PTPN11: variants seen among roughly 807,000 people sequenced by gnomAD.
PTPN11 encodes tyrosine-protein phosphatase non-receptor type 11.
Under a neutral mutation model 78.8 loss-of-function variants are expected in PTPN11, and 6 were observed. The observed-to-expected ratio is 0.08, with a 90% CI of 0.04 to 0.15. PTPN11 has a LOEUF of 0.15. Ranked by LOEUF, PTPN11 falls within the 10% of genes least tolerant of loss-of-function variation. The pLI is 1.00. For missense variants in PTPN11, 386 were observed against 744.8 expected, an observed-to-expected ratio of 0.52 and a Z score of 5.61; for synonymous variants, 221 against 263.5, an observed-to-expected ratio of 0.84 and a Z score of 1.56.
intron 9 of PTPN11, among the ~76,000 whole-genome samples, chr12:112,481,739 G>A (rs189796390): frequency 5.9e-5 from 9 of 152,196 alleles, no homozygotes; most frequent in East Asian, 1.9e-4. Context: ...TGATCTGCCC[G>A]CCTCGGCCAC....
In PTPN11 at chr12:112,482,274, C is replaced by T. The variant is rs1278994543; in HGVS notation, c.1224+69C>T. 6.5e-6 allele frequency: 10 copies of T among 1,548,540 alleles called. No homozygotes were observed. Among genetic ancestry groups the T allele is most frequent in the Non-Finnish European group, 8.9e-6 (10 of 1,123,912 alleles). On this transcript the variant is annotated intron_variant, in intron 10 of 15. Transcript: ENST00000351677. This position sits in a 1 kb window ranked among gnomAD's most constrained non-coding sequence, Gnocchi z 4.4. ...GGTGTGTAGGAATTCAGGGTCTTGC[C>T]GTTACTCATGTTTGCATACATGCAT...
intron 12 of PTPN11, among the ~76,000 whole-genome samples, chr12:112,488,716 C>A (rs1332672320): frequency 6.6e-6 from 1 of 152,192 alleles, no homozygotes. Flanking sequence ...AGCTGCAGAA[C>A]CCACTGCCAT....
chr12:112,494,313 A>AT (rs2038788577), intron 13 of PTPN11, among the ~76,000 whole-genome samples: 1 of 152,170 alleles, frequency 6.6e-6, no homozygotes, highest in South Asian at 2.1e-4. Context: ...TGCCATGACC[A>AT]TTGTCATGTT....
chr12:112,443,421 C>T lies in PTPN11; in HGVS notation c.15-2855C>T, dbSNP rs1029676130. ...TTGCCCAGGCTGGAGTATAATGATG[C>T]GATCTTGGCTCACTGCAACCTCCGT... On this transcript the variant is annotated intron_variant, in intron 1 of 15. Transcript: ENST00000351677. Among the ~76,000 whole-genome samples, 8 of 149,730 alleles carry T rather than the reference C, an allele frequency of 5.3e-5. No homozygotes were observed. In the East Asian group the frequency reaches 5.9e-4, roughly 11 times the overall value.
intron 6 of PTPN11, among the ~76,000 whole-genome samples, chr12:112,464,267 G>A (rs1299271582): frequency 1.3e-5 from 2 of 152,190 alleles, no homozygotes; most frequent in Admixed American, 1.3e-4. Context: ...ACTTTAAAAT[G>A]TGAAGTCTCT....
At chr12:112,493,299 T>G (rs1256093058) in intron 13 of PTPN11, among the ~76,000 whole-genome samples, 1 of 151,860 alleles carries the variant, frequency 6.6e-6, no homozygotes, top group African/African-American at 2.4e-5. Context: ...CCTCAAATGA[T>G]CCTCCCGTCT....
At chr12:112,488,338 T>C in intron 11 of PTPN11, 105 bp from the exon 12 acceptor site, 1 of 990,996 alleles carries the variant, frequency 1.0e-6, no homozygotes, top group Non-Finnish European at 1.6e-6. Context: ...TATAAATAGC[T>C]CCAAAGAGTA....
At position 112,482,338 on chromosome 12, in the gene PTPN11, C is replaced by A; in HGVS notation, c.1224+133C>A. The A allele has an allele frequency of 9.4e-7, 1 of 1,067,696 alleles. No homozygotes were observed. The highest frequency in any genetic ancestry group is 1.4e-6 in the Non-Finnish European group (1 of 707,922). 66.1% of individuals were successfully genotyped at this position (1,067,696 alleles called of 1,614,324 possible). The stretch of plus-strand genomic sequence containing the variant: ...CATTGATTCAGTAGCCATTTATTAG[C>A]TTCCTTCTATGTGCCAGGTACAGTT... On this transcript the variant is annotated intron_variant, in intron 10 of 15. Coordinates refer to ENST00000351677, the MANE Select transcript of PTPN11 (RefSeq NM_002834.5). The surrounding 1 kb of genome is among the most constrained non-coding windows in gnomAD (Gnocchi z 4.4).
chr12:112,489,908 G>C (rs985700823), intron 13 of PTPN11, among the ~76,000 whole-genome samples: 3 of 152,096 alleles, frequency 2.0e-5, no homozygotes, highest in Non-Finnish European at 4.4e-5. Flanking sequence ...TTTCAGAATG[G>C]GACCTGCCAC....
Position 112,482,250 on chromosome 12 carries a change from G to A in PTPN11, c.1224+45G>A. 6.3e-7 allele frequency: 1 copy of A among 1,595,774 alleles called. No individual in the cohort carries two copies. The highest frequency in any genetic ancestry group is 1.7e-4 in the Middle Eastern group (1 of 5,996). Reference sequence around the variant, plus strand: ...CTAGAGACTTTGGGAACTGTTGATGGTGTGTAGGAATTCAGGGTCTTGCCG... The same window carrying A: ...CTAGAGACTTTGGGAACTGTTGATGATGTGTAGGAATTCAGGGTCTTGCCG... On this transcript the variant is annotated intron_variant, in intron 10 of 15. Transcript: ENST00000351677. This position sits in a 1 kb window ranked among gnomAD's most constrained non-coding sequence, Gnocchi z 4.4.
intron 3 of PTPN11, among the ~76,000 whole-genome samples, chr12:112,452,526 G>C (rs953557702): frequency 1.3e-5 from 2 of 150,248 alleles, no homozygotes; most frequent in African/African-American, 2.5e-5. Flanking sequence ...ACGTCCGGCC[G>C]ACTTTTATTT....
chr12:112,489,020 G>A lies in PTPN11; in HGVS notation c.1448-4G>A, dbSNP rs574215778. 9.9e-6 allele frequency: 16 copies of A among 1,613,180 alleles called. No homozygotes were observed. The highest frequency in any genetic ancestry group is 1.3e-5 in the African/African-American group (1 of 74,994). On this transcript the variant is annotated splice_polypyrimidine_tract_variant and splice_region_variant and intron_variant, in intron 12 of 15. Coordinates refer to ENST00000351677, the MANE Select transcript of PTPN11 (RefSeq NM_002834.5). ...CTTTATTCTTCATGATGTTTCCTTC[G>A]TAGGTGTTGACTGCGATATTGACGT...
At chr12:112,456,585 G>A (rs2038164743) in intron 6 of PTPN11, among the ~76,000 whole-genome samples, 1 of 151,392 alleles carries the variant, frequency 6.6e-6, no homozygotes, top group Admixed American at 6.6e-5. Context: ...TCAGCCTACT[G>A]AGTAGCTGGG....
intron 6 of PTPN11, among the ~76,000 whole-genome samples, chr12:112,465,158 G>C (rs1364647010): frequency 6.6e-6 from 1 of 152,118 alleles, no homozygotes; most frequent in Non-Finnish European, 1.5e-5. Context: ...TGGGCCGGGC[G>C]TGGTGGCTCA....
intron 1 of PTPN11, among the ~76,000 whole-genome samples, chr12:112,420,468 C>G (rs2037506130): frequency 6.6e-6 from 1 of 152,004 alleles, no homozygotes; most frequent in Admixed American, 6.6e-5. Context: ...GCCTCAGCCT[C>G]CCAAGTAACT....
At chr12:112,437,395 A>G (rs1454546234) in intron 1 of PTPN11, among the ~76,000 whole-genome samples, 3 of 152,138 alleles carry the variant, frequency 2.0e-5, no homozygotes. Context: ...TCCTGACCTT[A>G]AGTGATCCAC....
At chr12:112,428,387 G>T (rs2037656012) in intron 1 of PTPN11, among the ~76,000 whole-genome samples, 2 of 137,066 alleles carry the variant, frequency 1.5e-5, no homozygotes, top group South Asian at 4.7e-4. Flanking sequence ...AGTTCAAGCT[G>T]TGTGTTGTCT....
At chr12:112,496,753 C>T (rs1181642622) in intron 13 of PTPN11, among the ~76,000 whole-genome samples, 2 of 152,134 alleles carry the variant, frequency 1.3e-5, no homozygotes, top group East Asian at 1.9e-4. Flanking sequence ...AACCTATACC[C>T]ATGTGAGAAT....
At chr12:112,444,598 C>T (rs1358676062) in intron 1 of PTPN11, among the ~76,000 whole-genome samples, 1 of 152,126 alleles carries the variant, frequency 6.6e-6, no homozygotes, top group African/African-American at 2.4e-5. Context: ...CCTCAGCCTC[C>T]CAAAATTCTG....
Sources: allele counts gnomAD v4.1 joint callset (sites outside exome capture counted in the v4.1 genomes callset), GRCh38; gene constraint gnomAD v4.1.1; non-coding constraint Gnocchi (gnomAD v3.1); transcripts MANE v1.5; gene names NCBI Gene and HGNC (gene_info 2026-07-23, HGNC 2026-07-21).